LMLN: variants seen among roughly 807,000 people sequenced by gnomAD.
LMLN encodes the protein leishmanolysin like peptidase, also known as leishmanolysin-like peptidase.
A neutral mutation model predicts 92.3 loss-of-function variants in LMLN; 70 were observed. The observed-to-expected ratio is 0.76, with a 90% CI of 0.63 to 0.92. The LOEUF (loss-of-function observed/expected upper bound fraction) is 0.92, where lower values mean the gene tolerates loss of function less well. Among genes scored for constraint, LMLN ranks in the 40% least tolerant of loss-of-function variants. LMLN has a pLI of 0.00. For synonymous variants in LMLN, 308 were observed against 296.2 expected (o/e 1.04, Z -0.41); for missense variants, 691 against 814.6 (o/e 0.85, Z 1.85).
intron 10 of LMLN, among the ~76,000 whole-genome samples, chr3:197,998,591 A>G (rs1218977047): frequency 6.6e-6 from 1 of 152,174 alleles, no homozygotes; most frequent in Admixed American, 6.5e-5. Flanking sequence ...GCGTGGTATC[A>G]CAGTACTTGA....
chr3:197,984,479 G>GGCT (rs138301710), intron 7 of LMLN, among the ~76,000 whole-genome samples: 5,702 of 150,042 alleles, frequency 0.038, 166 homozygotes, highest in East Asian at 0.095. Flanking sequence ...CAGAGCCCTG[G>GGCT]GCTGCTGCTG....
In LMLN at chr3:198,031,081, C is replaced by T. The variant is rs1189327776; in HGVS notation, c.1657-4752C>T. Among the ~76,000 whole-genome samples, 1 of 152,100 alleles carries T rather than the reference C, an allele frequency of 6.6e-6. No homozygotes were observed. The highest frequency in any genetic ancestry group is 1.9e-4 in the East Asian group (1 of 5,188). On this transcript the variant is annotated intron_variant, in intron 14 of 15. Transcript: ENST00000330198. This position sits in a 1 kb window ranked among gnomAD's most constrained non-coding sequence, Gnocchi z 4.8. ...CCTGAGAATGAAATAGGCATAAGCC[C>T]GATGAACAGGAGGAAAACATACACA...
intron 1 of LMLN, among the ~76,000 whole-genome samples, chr3:197,971,698 C>T (rs749017762): frequency 7.9e-5 from 12 of 152,134 alleles, no homozygotes; most frequent in Non-Finnish European, 1.5e-4. Flanking sequence ...GATTCTCATG[C>T]CTCAGCTTCC....
At chr3:197,999,432 G>T in intron 11 of LMLN, 90 bp downstream of exon 11, 1 of 864,648 alleles carries the variant, frequency 1.2e-6, no homozygotes, top group East Asian at 2.5e-5. Flanking sequence ...GACATTTTAT[G>T]CTGAAGCAAA....
rs909200205 is a variant in LMLN, at chr3:198,042,086, C to T, written c.*3419C>T. The stretch of plus-strand genomic sequence containing the variant: ...AAAGTATGGATAAAGTCTTGAGTTC[C>T]TCAGGGTAACTGTGTTGATGTCTCC... On this transcript the variant is annotated 3_prime_UTR_variant, in exon 16 of 16. Transcript: ENST00000330198. This position sits in a 1 kb window ranked among gnomAD's most constrained non-coding sequence, Gnocchi z 4.2. 2.0e-5 allele frequency: 3 copies of T among 152,198 alleles called. No homozygotes were observed. The highest frequency in any genetic ancestry group is 2.9e-5 in the Non-Finnish European group (2 of 68,006). The allele number at this position is 152,198 out of a possible 1,614,324, so 9.4% of individuals were successfully genotyped here.
intron 3 of LMLN, 39 bp from the exon 4 acceptor site, chr3:197,975,990 T>C (rs1392204711): frequency 1.6e-6 from 2 of 1,220,774 alleles, no homozygotes; most frequent in Admixed American, 4.2e-5. Flanking sequence ...TATCTCTTCC[T>C]TATAATTCTG....
intron 8 of LMLN, among the ~76,000 whole-genome samples, chr3:197,986,855 T>C (rs894277795): frequency 2.6e-4 from 31 of 117,864 alleles, no homozygotes; most frequent in African/African-American, 6.3e-5. Flanking sequence ...TTTTTTTTTT[T>C]TTTTGAGACA....
intron 11 of LMLN, among the ~76,000 whole-genome samples, chr3:198,012,354 C>A (rs192512250): frequency 6.6e-6 from 1 of 152,196 alleles, no homozygotes; most frequent in Non-Finnish European, 1.5e-5. Flanking sequence ...CGGGAGCCAC[C>A]GTGTACATTC....
chr3:198,038,282 C>T (rs1723290910), intron 15 of LMLN: 2 of 334,488 alleles, frequency 6.0e-6, no homozygotes, highest in Admixed American at 4.4e-5. Flanking sequence ...TCAGAATAAC[C>T]AAGATCTTTA....
chr3:197,994,812 C>A (rs1340077368), intron 9 of LMLN: 1 of 152,162 alleles, frequency 6.6e-6, no homozygotes, highest in African/African-American at 2.4e-5. Flanking sequence ...CTTCAAAAAA[C>A]TAAAAATAGA....
chr3:197,987,540 G>A (rs2109877698), intron 8 of LMLN, among the ~76,000 whole-genome samples: 1 of 152,210 alleles, frequency 6.6e-6, no homozygotes, highest in East Asian at 1.9e-4. Flanking sequence ...GATTTATAGG[G>A]AAAATGGTAG....
chr3:197,984,131 T>TAAAGTGGAATA, intron 7 of LMLN, 83 bp downstream of exon 7: 2 of 835,538 alleles, frequency 2.4e-6, no homozygotes, highest in Non-Finnish European at 4.1e-6. Flanking sequence ...ATATTCCACT[T>TAAAGTGGAATA]TAAGATGATG....
At chr3:198,010,922 A>G (rs1288758167) in intron 11 of LMLN, among the ~76,000 whole-genome samples, 1 of 151,834 alleles carries the variant, frequency 6.6e-6, no homozygotes, top group South Asian at 2.1e-4. Flanking sequence ...ATTTTTAAAA[A>G]TTTTTCTTTG....
intron 1 of LMLN, among the ~76,000 whole-genome samples, chr3:197,964,572 T>C (rs780520858): frequency 1.3e-5 from 2 of 151,908 alleles, no homozygotes; most frequent in African/African-American, 2.4e-5. Context: ...CTAATTTTTG[T>C]ATTTTTAGTG....
intron 1 of LMLN, among the ~76,000 whole-genome samples, chr3:197,960,829 A>G (rs1720848319): frequency 6.6e-6 from 1 of 152,108 alleles, no homozygotes; most frequent in Non-Finnish European, 1.5e-5. Context: ...TTGGTGAGAT[A>G]TGCTTGTCCG....
intron 14 of LMLN, among the ~76,000 whole-genome samples, chr3:198,030,196 C>G (rs994457573): frequency 1.3e-5 from 2 of 152,134 alleles, no homozygotes; most frequent in African/African-American, 4.8e-5. Context: ...GTTTGAATTT[C>G]AAATGTTAGC....
rs2109943398 is a variant in LMLN at position 198,025,612 on chromosome 3, CT to C, written c.1656+825del. The stretch of plus-strand genomic sequence containing the variant: ...TTAGAACTTCGGGGCCCAAGCAATC[CT>C]CTTGCCTTGGCCTCCCAAAGTACTG... On this transcript the variant is annotated intron_variant, in intron 14 of 15. Coordinates refer to ENST00000330198, the Ensembl canonical transcript of LMLN. The surrounding 1 kb of genome is among the most constrained non-coding windows in gnomAD (Gnocchi z 4.3). 6.6e-6 allele frequency among the ~76,000 whole-genome samples: 1 copy of C among 152,318 alleles called. No homozygotes were observed. Among genetic ancestry groups the C allele is most frequent in the Non-Finnish European group, 1.5e-5 (1 of 68,038 alleles).
At chr3:197,961,004 A>G (rs1720857676) in intron 1 of LMLN, among the ~76,000 whole-genome samples, 1 of 152,070 alleles carries the variant, frequency 6.6e-6, no homozygotes, top group Non-Finnish European at 1.5e-5. Context: ...TCTGCTCTGG[A>G]AGTGCCTGCC....
At chr3:198,029,823 GCTTT>G (rs1162157956) in intron 14 of LMLN, among the ~76,000 whole-genome samples, 1 of 151,906 alleles carries the variant, frequency 6.6e-6, no homozygotes, top group East Asian at 1.9e-4. Context: ...CTTACTATTT[GCTTT>G]CTTATTTTTT....
Sources: gnomAD v4.1 joint callset for allele counts (sites outside exome capture counted in the v4.1 genomes callset) on GRCh38, gnomAD v4.1.1 for gene constraint, Gnocchi (gnomAD v3.1) non-coding constraint, MANE v1.5 for transcripts, NCBI Gene and HGNC (gene_info 2026-07-23, HGNC 2026-07-21) for gene names.